The following WWC2 variants were observed in gnomAD, a reference collection of about 807,000 sequenced individuals.
WWC2 encodes WW and C2 domain containing 2, also known as protein WWC2.
Under a neutral mutation model 138.5 loss-of-function variants are expected in WWC2, and 101 were observed. That is an observed-to-expected ratio of 0.73 (90% CI 0.62 to 0.86). The LOEUF (loss-of-function observed/expected upper bound fraction) is 0.86, where lower values mean the gene tolerates loss of function less well. Ranked by LOEUF, WWC2 falls within the 40% of genes least tolerant of loss-of-function variation. The pLI is 0.00. For missense variants in WWC2, 1,420 were observed against 1,419.4 expected, an observed-to-expected ratio of 1.00 and a Z score of -0.01; for synonymous variants, 558 against 538.4, an observed-to-expected ratio of 1.04 and a Z score of -0.50.
chr4:183,144,257 G>A (rs1363008729), intron 1 of WWC2, among the ~76,000 whole-genome samples: 4 of 152,066 alleles, frequency 2.6e-5, no homozygotes, highest in Non-Finnish European at 5.9e-5. Context: ...AGTCTGAATC[G>A]GGGAGCTTTT....
At chr4:183,303,675 TAAAC>T (rs1738935249) in intron 21 of WWC2, among the ~76,000 whole-genome samples, 1 of 152,222 alleles carries the variant, frequency 6.6e-6, no homozygotes, top group African/African-American at 2.4e-5. Context: ...TAATGATAAA[TAAAC>T]ATAAATTTGG....
At chr4:183,115,671 C>T (rs1392904065) in intron 1 of WWC2, among the ~76,000 whole-genome samples, 2 of 151,946 alleles carry the variant, frequency 1.3e-5, no homozygotes, top group African/African-American at 2.4e-5. Context: ...TGTTCGTGTC[C>T]GTTGCTCATT....
In WWC2 at chr4:183,296,796, T is replaced by C. The variant is rs375511569; in HGVS notation, c.3384+7161T>C. Among the ~76,000 whole-genome samples the C allele has an allele frequency of 4.5e-3, 685 of 151,870 alleles. 4 individuals are homozygous for C. Among genetic ancestry groups the C allele is most frequent in the African/African-American group, 0.016 (656 of 41,438 alleles). On this transcript the variant is annotated intron_variant, in intron 21 of 22. Transcript: ENST00000403733. ...AAAACACAAAAAAATTAGCGAGGCA[T>C]GGTGGCAGGTGCCTGTAGTCCCAGC...
At chr4:183,214,093 G>A (rs1192663972) in intron 4 of WWC2, among the ~76,000 whole-genome samples, 1 of 152,196 alleles carries the variant, frequency 6.6e-6, no homozygotes, top group Non-Finnish European at 1.5e-5. Context: ...TATTTGAGAA[G>A]TGTATTGAGT....
intron 2 of WWC2, among the ~76,000 whole-genome samples, chr4:183,194,059 G>A (rs961236468): frequency 6.6e-6 from 1 of 152,110 alleles, no homozygotes; most frequent in Admixed American, 6.5e-5. Flanking sequence ...TCCTTTCCTT[G>A]TGTTTGCCAC....
intron 1 of WWC2, among the ~76,000 whole-genome samples, chr4:183,118,073 C>T (rs1439303046): frequency 1.3e-5 from 2 of 152,196 alleles, no homozygotes; most frequent in Non-Finnish European, 2.9e-5. Context: ...GCTGGGATTA[C>T]AGGAGTGAGC....
intron 21 of WWC2, among the ~76,000 whole-genome samples, chr4:183,293,126 T>C (rs796179905): frequency 2.6e-4 from 40 of 152,314 alleles, no homozygotes; most frequent in African/African-American, 8.4e-4. Context: ...AGCTAATTTT[T>C]GTATTTTTAG....
intron 4 of WWC2, among the ~76,000 whole-genome samples, chr4:183,229,843 T>C (rs1736188919): frequency 1.3e-5 from 2 of 152,072 alleles, no homozygotes; most frequent in Admixed American, 1.3e-4. Flanking sequence ...GTTATTGTTT[T>C]GAGACAGAGT....
chr4:183,132,927 T>A (rs1432024388), intron 1 of WWC2, among the ~76,000 whole-genome samples: 1 of 152,104 alleles, frequency 6.6e-6, no homozygotes, highest in Non-Finnish European at 1.5e-5. Flanking sequence ...ATTTGACTTA[T>A]CAATACTTTA....
intron 1 of WWC2, among the ~76,000 whole-genome samples, chr4:183,151,368 C>A (rs1733630930): frequency 6.6e-6 from 1 of 152,236 alleles, no homozygotes; most frequent in East Asian, 1.9e-4. Flanking sequence ...TATCCTTTGC[C>A]CACTTTTTGA....
At chr4:183,112,821 T>C (rs760043620) in intron 1 of WWC2, among the ~76,000 whole-genome samples, 1 of 152,066 alleles carries the variant, frequency 6.6e-6, no homozygotes, top group Non-Finnish European at 1.5e-5. Flanking sequence ...TTAGCTGAGC[T>C]ATGAGGATAA....
chr4:183,170,179 T>C (rs961724258), intron 1 of WWC2, among the ~76,000 whole-genome samples: 7 of 152,212 alleles, frequency 4.6e-5, no homozygotes, highest in Non-Finnish European at 8.8e-5. Context: ...TATTGTGCCG[T>C]TGGCCAGAGA....
At chr4:183,140,162 A>G (rs1299208324) in intron 1 of WWC2, among the ~76,000 whole-genome samples, 2 of 152,222 alleles carry the variant, frequency 1.3e-5, no homozygotes, top group African/African-American at 2.4e-5. Context: ...TAGGTGCTCA[A>G]TAAATACTTG....
chr4:183,230,455 T>A (rs1271399512), intron 4 of WWC2, among the ~76,000 whole-genome samples: 1 of 152,142 alleles, frequency 6.6e-6, no homozygotes, highest in Non-Finnish European at 1.5e-5. Flanking sequence ...AGTAGATGGA[T>A]CACTTGAGGT....
chr4:183,253,783 C>A lies in WWC2; in HGVS notation c.980C>A (p.Ser327Ter). The change falls in exon 9 of 23, where the codon TCA becomes TAA. Residue 327 changes from serine to a stop codon, truncating the protein, a stop_gained. Transcript: ENST00000403733. LOFTEE classifies it high-confidence loss of function. ...RSMANLKIEL[S>*]KLDSEAWPGA... is the part of the protein sequence containing the mutation. ...ATGGCCAACTTAAAAATTGAACTGT[C>A]AAAATTGGACAGTGAGGCCTGGCCT... is the stretch of plus-strand genomic sequence containing the variant. The A allele has an allele frequency of 1.2e-6, 2 of 1,612,002 alleles. No homozygotes were observed. The highest frequency in any genetic ancestry group is 2.2e-5 in the South Asian group (2 of 90,806).
intron 9 of WWC2, among the ~76,000 whole-genome samples, chr4:183,256,824 C>T (rs1440256086): frequency 1.4e-5 from 2 of 147,016 alleles, no homozygotes; most frequent in African/African-American, 5.1e-5. Context: ...CATTGCTGAA[C>T]GTTGGTGTCT....
intron 16 of WWC2, among the ~76,000 whole-genome samples, chr4:183,274,078 C>T (rs928017258): frequency 1.3e-5 from 2 of 152,156 alleles, no homozygotes; most frequent in Non-Finnish European, 2.9e-5. Flanking sequence ...TTCATTAATC[C>T]ACATGTCTGT....
intron 6 of WWC2, among the ~76,000 whole-genome samples, chr4:183,247,212 A>G (rs575807875): frequency 6.6e-6 from 1 of 152,150 alleles, no homozygotes; most frequent in African/African-American, 2.4e-5. Context: ...ACACACTCCA[A>G]ATGAATTTCA....
intron 1 of WWC2, among the ~76,000 whole-genome samples, chr4:183,102,766 T>C (rs1436923040): frequency 6.6e-6 from 1 of 152,160 alleles, no homozygotes; most frequent in Non-Finnish European, 1.5e-5. Context: ...CCGAGTGTTA[T>C]TTTGTAGGTT....
Sources: allele counts gnomAD v4.1 joint callset (sites outside exome capture counted in the v4.1 genomes callset), GRCh38; gene constraint gnomAD v4.1.1; transcripts MANE v1.5; gene names NCBI Gene and HGNC (gene_info 2026-07-23, HGNC 2026-07-21).